The following MCEE variants were observed in gnomAD, a reference collection of about 807,000 sequenced individuals.
The protein encoded by MCEE is methylmalonyl-CoA epimerase, mitochondrial.
In MCEE, 6 loss-of-function variants were observed where a neutral mutation model predicts 12.9. That is an observed-to-expected ratio of 0.47 (90% CI 0.26 to 0.92). The LOEUF (loss-of-function observed/expected upper bound fraction) is 0.92, where lower values mean the gene tolerates loss of function less well. Among genes scored for constraint, MCEE ranks in the 40% least tolerant of loss-of-function variants. The pLI is 0.16. For missense variants in MCEE, 214 were observed against 212.1 expected, an observed-to-expected ratio of 1.01 and a Z score of -0.05; for synonymous variants, 78 against 77.9, an observed-to-expected ratio of 1.00 and a Z score of -0.01.
At position 71,125,050 on chromosome 2, in the gene MCEE, G is replaced by A. The variant is rs973200184; in HGVS notation, c.41-507C>T. ...CCGGAGTGCTGGAGTGCAACAGTGC[G>A]ATCTCAGCTCACTGCAACCTCTGCC... On this transcript the variant is annotated intron_variant, in intron 1 of 2. Coordinates refer to ENST00000244217, the MANE Select transcript of MCEE (RefSeq NM_032601.4). Among the ~76,000 whole-genome samples, 11 of 151,088 alleles carry A rather than the reference G, an allele frequency of 7.3e-5. No individual in the cohort carries two copies. In the South Asian group the frequency reaches 8.4e-4, roughly 12 times the overall value.
chr2:71,126,296 C>T (rs1446722082), intron 1 of MCEE, among the ~76,000 whole-genome samples: 3 of 151,218 alleles, frequency 2.0e-5, no homozygotes, highest in African/African-American at 4.9e-5. Flanking sequence ...AGTGTGATCT[C>T]GGCTCACTGC....
At chr2:71,129,773 T>A (rs1233477307) in intron 1 of MCEE, 4 of 300,442 alleles carry the variant, frequency 1.3e-5, no homozygotes, top group Admixed American at 4.6e-5. Flanking sequence ...GACTAGTAGT[T>A]GTTGTTTTTA....
At chr2:71,125,791 T>C (rs1362497995) in intron 1 of MCEE, among the ~76,000 whole-genome samples, 1 of 152,256 alleles carries the variant, frequency 6.6e-6, no homozygotes, top group Non-Finnish European at 1.5e-5. Flanking sequence ...GTGCACCTAC[T>C]GTCTGGCACT....
At chr2:71,126,650 A>G (rs926460153) in intron 1 of MCEE, among the ~76,000 whole-genome samples, 1 of 152,026 alleles carries the variant, frequency 6.6e-6, no homozygotes, top group East Asian at 1.9e-4. Flanking sequence ...CTGGGTAGAG[A>G]ACACTGAATA....
chr2:71,129,177 T>C (rs1673308375), intron 1 of MCEE, among the ~76,000 whole-genome samples: 1 of 152,310 alleles, frequency 6.6e-6, no homozygotes, highest in East Asian at 1.9e-4. Context: ...TTTATCTGTA[T>C]TGAGTTCTTG....
At chr2:71,128,477 A>G (rs1673286864) in intron 1 of MCEE, among the ~76,000 whole-genome samples, 1 of 152,216 alleles carries the variant, frequency 6.6e-6, no homozygotes, top group African/African-American at 2.4e-5. Flanking sequence ...ACGAATGGAT[A>G]AACAAAATGT....
At chr2:71,115,178 C>T (rs1396821972) in intron 2 of MCEE, among the ~76,000 whole-genome samples, 2 of 152,100 alleles carry the variant, frequency 1.3e-5, no homozygotes, top group African/African-American at 4.8e-5. Flanking sequence ...ATGGCTTGAA[C>T]CCAGGAGTTT....
chr2:71,118,597 T>G (rs1673040311), intron 2 of MCEE, among the ~76,000 whole-genome samples: 1 of 149,968 alleles, frequency 6.7e-6, no homozygotes, highest in Non-Finnish European at 1.5e-5. Context: ...CAGCACCTTC[T>G]CACTGTCCTC....
rs138788517 is a variant in MCEE at position 71,118,614 on chromosome 2, C to T, written c.378+5592G>A. 1.8e-4 allele frequency among the ~76,000 whole-genome samples: 27 copies of T among 149,976 alleles called. No homozygotes were observed. The East Asian group carries it at 3.1e-3, about 17-fold the overall frequency. On this transcript the variant is annotated intron_variant, in intron 2 of 2. Coordinates refer to ENST00000244217, the MANE Select transcript of MCEE (RefSeq NM_032601.4). ...GCACCTTCTCACTGTCCTCCCGTAGCGGAAGGGGCAACGGGTGTCTCTGAG... is the reference window on the plus strand; with the variant it reads ...GCACCTTCTCACTGTCCTCCCGTAGTGGAAGGGGCAACGGGTGTCTCTGAG...
At chr2:71,129,334 A>G (rs1673312082) in intron 1 of MCEE, among the ~76,000 whole-genome samples, 1 of 152,154 alleles carries the variant, frequency 6.6e-6, no homozygotes, top group Non-Finnish European at 1.5e-5. Context: ...GTATCACCTA[A>G]GAGGAAGGTA....
Position 71,125,185 on chromosome 2 carries a change from A to AT in MCEE, c.41-643dup, listed in dbSNP as rs1673191608. On this transcript the variant is annotated intron_variant, in intron 1 of 2. Transcript: ENST00000244217. ...TGTGTGTGTATGTGTGTGTATATAT[A>AT]TAAATATATATATATATATATATAT... Among the ~76,000 whole-genome samples the AT allele has an allele frequency of 5.7e-5, 4 of 69,908 alleles. No individual in the cohort carries two copies. The Admixed American group carries it at 8.1e-4, about 14-fold the overall frequency. 45.9% of individuals were successfully genotyped at this position (69,908 alleles called of 152,430 possible). A position where few individuals can be genotyped will look rare whatever the true frequency, so the allele number is the denominator to read the frequency against.
chr2:71,127,185 C>T (rs1227266289), intron 1 of MCEE, among the ~76,000 whole-genome samples: 1 of 152,220 alleles, frequency 6.6e-6, no homozygotes, highest in Non-Finnish European at 1.5e-5. Flanking sequence ...AGCTGGTATA[C>T]AAGTAAAAGA....
chr2:71,112,211 A>T lies in MCEE; in HGVS notation c.379-2089T>A, dbSNP rs1053311265. Among the ~76,000 whole-genome samples, 36 of 152,104 alleles carry T rather than the reference A, an allele frequency of 2.4e-4. 1 individual carries two copies. Among genetic ancestry groups the T allele is most frequent in the African/African-American group, 7.0e-4 (29 of 41,420 alleles). On this transcript the variant is annotated intron_variant, in intron 2 of 2. Coordinates refer to ENST00000244217, the MANE Select transcript of MCEE (RefSeq NM_032601.4). The stretch of plus-strand genomic sequence containing the variant: ...GAGTGTAGTAGTGCGATCTCAGCTC[A>T]CTGCAACCCCTGCCTCCAGGGTTCA...
chr2:71,115,297 G>A (rs1447412366), intron 2 of MCEE, among the ~76,000 whole-genome samples: 1 of 152,178 alleles, frequency 6.6e-6, no homozygotes, highest in Non-Finnish European at 1.5e-5. Flanking sequence ...TGAGATGAGA[G>A]GACTGCTTGA....
rs1673170098 is a variant in MCEE, at chr2:71,124,327, A to G, written c.257T>C (p.Val86Ala). ...GGTATTTCCCAGGTTGACAAAAACA[A>G]CAGATACTCCATGTTCAGGAAGAGG... ...AVPLPEHGVSVVFVNLGNTKM... is the reference protein window; with the variant it reads ...AVPLPEHGVSAVFVNLGNTKM... Residue 86 changes from valine (V) to alanine (A), a missense_variant, in exon 2 of 3, where the codon GTT (valine) becomes GCT (alanine). Physicochemically the swap from Val to Ala is moderately conservative, Grantham distance 64. Transcript: ENST00000244217. 1.2e-6 allele frequency: 2 copies of G among 1,614,082 alleles called. No individual in the cohort carries two copies. The highest frequency in any genetic ancestry group is 2.7e-5 in the African/African-American group (2 of 74,944).
intron 2 of MCEE, among the ~76,000 whole-genome samples, chr2:71,115,185 GT>G (rs1410842894): frequency 1.3e-5 from 2 of 152,204 alleles, no homozygotes; most frequent in Non-Finnish European, 1.5e-5. Flanking sequence ...GAACCCAGGA[GT>G]TTGACACCAG....
At chr2:71,123,950 G>A (rs1051870273) in intron 2 of MCEE, among the ~76,000 whole-genome samples, 1 of 152,124 alleles carries the variant, frequency 6.6e-6, no homozygotes, top group South Asian at 2.1e-4. Context: ...TCTACATTGT[G>A]GCTAACTTTG....
At chr2:71,120,840 C>T (rs1003441818) in intron 2 of MCEE, among the ~76,000 whole-genome samples, 3 of 151,888 alleles carry the variant, frequency 2.0e-5, no homozygotes, top group East Asian at 1.9e-4. Context: ...CAGGTTCAAA[C>T]GATTCTCCTG....
chr2:71,111,605 C>T (rs144280853), intron 2 of MCEE, among the ~76,000 whole-genome samples: 28 of 152,248 alleles, frequency 1.8e-4, no homozygotes, highest in African/African-American at 6.0e-4. Context: ...TCCTAACATG[C>T]GTGCAATACT....
Sources: gnomAD v4.1 joint callset for allele counts (sites outside exome capture counted in the v4.1 genomes callset) on GRCh38, gnomAD v4.1.1 for gene constraint, MANE v1.5 for transcripts, NCBI Gene and HGNC (gene_info 2026-07-23, HGNC 2026-07-21) for gene names.